Variants in GRIN2A observed in about 807,000 individuals in gnomAD.
The protein encoded by GRIN2A is glutamate receptor ionotropic, NMDA 2A.
Under a neutral mutation model 113.4 loss-of-function variants are expected in GRIN2A, and 22 were observed. The ratio of observed to expected loss-of-function variants is 0.19; its 90% CI spans 0.14 to 0.28. GRIN2A has a LOEUF of 0.28. Ranked by LOEUF, GRIN2A falls within the 10% of genes least tolerant of loss-of-function variation. GRIN2A has a pLI of 1.00. For missense variants in GRIN2A, 1,502 were observed against 1,887.0 expected (o/e 0.80, Z 3.78); for synonymous variants, 827 against 738.4 (o/e 1.12, Z -1.94).
In GRIN2A at chr16:10,115,849, A is replaced by G. The variant is rs1377901881; in HGVS notation, c.414+64149T>C. Among the ~76,000 whole-genome samples the G allele has an allele frequency of 2.0e-5, 3 of 152,220 alleles. No individual in the cohort carries two copies. In the East Asian group the frequency reaches 5.8e-4, roughly 29 times the overall value. On this transcript the variant is annotated intron_variant, in intron 2 of 12. Transcript: ENST00000330684. ...TTTTGTTTTAAGAATGACCAGAAAT[A>G]GAACCATGAACACTTTTGGTGGGAA... is the stretch of plus-strand genomic sequence containing the variant.
chr16:9,790,784 G>A (rs771427144), intron 11 of GRIN2A, among the ~76,000 whole-genome samples: 1 of 152,312 alleles, frequency 6.6e-6, no homozygotes, highest in African/African-American at 2.4e-5. Context: ...CATAAGACTT[G>A]CAAAAGTGTA....
At chr16:9,984,836 T>G (rs2045951740) in intron 2 of GRIN2A, among the ~76,000 whole-genome samples, 1 of 152,246 alleles carries the variant, frequency 6.6e-6, no homozygotes, top group Admixed American at 6.5e-5. Context: ...CATTAGTTTT[T>G]GGTTTTTTAT....
At chr16:9,821,756 CA>C (rs1355594530) in intron 10 of GRIN2A, among the ~76,000 whole-genome samples, 2 of 152,174 alleles carry the variant, frequency 1.3e-5, no homozygotes, top group African/African-American at 4.8e-5. Flanking sequence ...TGCCAACAGA[CA>C]GAGAGGAATG....
chr16:10,050,017 T>C (rs1021665661), intron 2 of GRIN2A, among the ~76,000 whole-genome samples: 2 of 152,198 alleles, frequency 1.3e-5, no homozygotes, highest in South Asian at 2.1e-4. Context: ...TCCCAATAGA[T>C]GTCTATGTCC....
Position 9,761,358 on chromosome 16 carries a change from T to A in GRIN2A, c.*1791A>T. The A allele has an allele frequency of 4.4e-6, 1 of 229,882 alleles. No individual in the cohort carries two copies. The allele number at this position is 229,882 out of a possible 1,614,324, so 14.2% of individuals were successfully genotyped here. A position where few individuals can be genotyped will look rare whatever the true frequency, so the allele number is the denominator to read the frequency against. On this transcript the variant is annotated 3_prime_UTR_variant, in exon 13 of 13. Coordinates refer to ENST00000330684, the MANE Select transcript of GRIN2A (RefSeq NM_001134407.3). Reference sequence around the variant, plus strand: ...GCCACTTTATCCCTTTCTTCAAGAATGTAAAGCAGAATGCAGGAGGAAACC... The same window carrying A: ...GCCACTTTATCCCTTTCTTCAAGAAAGTAAAGCAGAATGCAGGAGGAAACC...
intron 2 of GRIN2A, among the ~76,000 whole-genome samples, chr16:10,153,499 A>C (rs2049627416): frequency 6.6e-6 from 1 of 152,128 alleles, no homozygotes; most frequent in South Asian, 2.1e-4. Flanking sequence ...AGAAAAGCTA[A>C]TTTTCATTTT....
At chr16:9,925,094 G>A (rs548321707) in intron 3 of GRIN2A, among the ~76,000 whole-genome samples, 11 of 152,102 alleles carry the variant, frequency 7.2e-5, no homozygotes, top group South Asian at 4.1e-4. Context: ...AACTTTTTTC[G>A]TGCTGATATT....
chr16:10,137,841 G>A (rs943119340), intron 2 of GRIN2A, among the ~76,000 whole-genome samples: 5 of 152,184 alleles, frequency 3.3e-5, no homozygotes, highest in Non-Finnish European at 7.3e-5. Flanking sequence ...CAAGAGTCAT[G>A]ACTTTATCCT....
At chr16:9,947,980 A>C (rs1283129327) in intron 2 of GRIN2A, among the ~76,000 whole-genome samples, 3 of 152,172 alleles carry the variant, frequency 2.0e-5, no homozygotes, top group African/African-American at 7.2e-5. Context: ...CCACAAACAC[A>C]GCACTAATGC....
intron 2 of GRIN2A, among the ~76,000 whole-genome samples, chr16:10,077,127 C>T (rs2142045771): frequency 6.6e-6 from 1 of 152,318 alleles, no homozygotes; most frequent in African/African-American, 2.4e-5. Flanking sequence ...AGGGTACAGG[C>T]AGCCTCTAAA....
intron 4 of GRIN2A, among the ~76,000 whole-genome samples, chr16:9,889,640 T>G (rs1021886413): frequency 5.3e-5 from 8 of 152,184 alleles, no homozygotes; most frequent in African/African-American, 1.9e-4. Context: ...TTCCTCAAAT[T>G]TTGATATTTT....
chr16:9,978,049 G>C (rs2045810404), intron 2 of GRIN2A, among the ~76,000 whole-genome samples: 1 of 152,122 alleles, frequency 6.6e-6, no homozygotes, highest in Non-Finnish European at 1.5e-5. Flanking sequence ...GGATGATTTT[G>C]GACACATTCT....
chr16:9,975,580 G>C (rs1298134666), intron 2 of GRIN2A, among the ~76,000 whole-genome samples: 1 of 152,172 alleles, frequency 6.6e-6, no homozygotes, highest in East Asian at 1.9e-4. Context: ...ATTCGTCACA[G>C]CAGCAACAGA....
Position 9,990,203 on chromosome 16 carries a change from A to G in GRIN2A, c.415-51652T>C, listed in dbSNP as rs569607259. Among the ~76,000 whole-genome samples the G allele has an allele frequency of 3.3e-5, 5 of 152,308 alleles. 1 individual carries two copies. In the East Asian group the frequency reaches 9.7e-4, roughly 29 times the overall value. On this transcript the variant is annotated intron_variant, in intron 2 of 12. Transcript: ENST00000330684. The stretch of plus-strand genomic sequence containing the variant: ...ACACTATGGAATGCTACACAGCCAT[A>G]AAAAAGAGTGAAATCATGTCCTTTC...
intron 2 of GRIN2A, among the ~76,000 whole-genome samples, chr16:9,972,154 A>T (rs1198831274): frequency 6.6e-6 from 1 of 152,252 alleles, no homozygotes; most frequent in Non-Finnish European, 1.5e-5. Flanking sequence ...GGGTGAGTAG[A>T]CAAGGCTCAA....
In GRIN2A at chr16:10,176,103, C is replaced by A. The variant is rs187160877; in HGVS notation, c.414+3895G>T. Among the ~76,000 whole-genome samples, 25 of 148,362 alleles carry A rather than the reference C, an allele frequency of 1.7e-4. 1 individual carries two copies. The highest frequency in any genetic ancestry group is 5.5e-4 in the African/African-American group (22 of 40,326). On this transcript the variant is annotated intron_variant, in intron 2 of 12. Coordinates refer to ENST00000330684, the MANE Select transcript of GRIN2A (RefSeq NM_001134407.3). ...TGCTGCAACCTCCACCTCCCAGGTT[C>A]ATGCAATTCTCCCTGCCTCAGCCTC...
chr16:9,964,287 G>T (rs547416312), intron 2 of GRIN2A, among the ~76,000 whole-genome samples: 2 of 152,182 alleles, frequency 1.3e-5, no homozygotes, highest in Non-Finnish European at 2.9e-5. Context: ...ACCCAATCCT[G>T]CATCTACCAC....
chr16:9,754,917 A>G lies in GRIN2A; in HGVS notation c.*8232T>C, dbSNP rs1322294377. ...TCAATGGGAAGCATTTAAAATGCCAAAGACAAACTCATGTTTGCTGGAGAA... is the reference window on the plus strand; with the variant it reads ...TCAATGGGAAGCATTTAAAATGCCAGAGACAAACTCATGTTTGCTGGAGAA... On this transcript the variant is annotated 3_prime_UTR_variant, in exon 13 of 13. Coordinates refer to ENST00000330684, the MANE Select transcript of GRIN2A (RefSeq NM_001134407.3). 1.4e-5 allele frequency: 3 copies of G among 221,440 alleles called. No homozygotes were observed. Among genetic ancestry groups the G allele is most frequent in the African/African-American group, 4.5e-5 (2 of 44,722 alleles). The allele number at this position is 221,440 out of a possible 1,614,324, so 13.7% of individuals were successfully genotyped here.
chr16:10,103,930 A>T (rs946816110), intron 2 of GRIN2A, among the ~76,000 whole-genome samples: 2 of 152,060 alleles, frequency 1.3e-5, no homozygotes, highest in Non-Finnish European at 2.9e-5. Flanking sequence ...AAATGCAAAC[A>T]TTTATCCTTT....
Sources: gnomAD v4.1 joint callset for allele counts (sites outside exome capture counted in the v4.1 genomes callset) on GRCh38, gnomAD v4.1.1 for gene constraint, MANE v1.5 for transcripts, NCBI Gene and HGNC (gene_info 2026-07-23, HGNC 2026-07-21) for gene names.